Variants in UNC45B observed in about 807,000 individuals in gnomAD.
The protein encoded by UNC45B is unc-45 myosin chaperone B.
A neutral mutation model predicts 98.7 loss-of-function variants in UNC45B; 78 were observed. The observed-to-expected ratio is 0.79, with a 90% CI of 0.66 to 0.95. The LOEUF (loss-of-function observed/expected upper bound fraction) is 0.95. UNC45B is among the 40% of genes least tolerant of loss of function. UNC45B has a pLI of 0.00. For synonymous variants in UNC45B, 462 were observed against 480.4 expected (o/e 0.96, Z 0.50); for missense variants, 1,225 against 1,184.9 (o/e 1.03, Z -0.50).
intron 9 of UNC45B, among the ~76,000 whole-genome samples, chr17:35,166,085 C>CAAAAAAAAAAAAAAAAAAAAAAA (rs1277152297): frequency 6.2e-5 from 1 of 16,256 alleles, no homozygotes; most frequent in Non-Finnish European, 1.0e-4. Context: ...ACCCTCATCT[C>CAAAAAAAAAAAAAAAAAAAAAAA]TAAAAAAAAA....
chr17:35,168,768 G>A (rs897927477), intron 10 of UNC45B, among the ~76,000 whole-genome samples: 9 of 152,214 alleles, frequency 5.9e-5, no homozygotes, highest in Middle Eastern at 3.4e-3. Context: ...GTGTAGCAGC[G>A]AAATCTCAGC....
At chr17:35,156,988 C>T (rs2092067429) in intron 7 of UNC45B, among the ~76,000 whole-genome samples, 3 of 152,170 alleles carry the variant, frequency 2.0e-5, no homozygotes, top group Non-Finnish European at 4.4e-5. Flanking sequence ...ACTCATGCTT[C>T]TCCGTGCACA....
intron 13 of UNC45B, among the ~76,000 whole-genome samples, chr17:35,173,748 G>A (rs574107205): frequency 6.6e-5 from 10 of 151,260 alleles, no homozygotes; most frequent in African/African-American, 1.9e-4. Context: ...TAACTTAATC[G>A]TGTCTGCAAA....
chr17:35,182,951 ATC>A (rs2092282672), intron 18 of UNC45B, among the ~76,000 whole-genome samples: 1 of 151,960 alleles, frequency 6.6e-6, no homozygotes, highest in South Asian at 2.1e-4. Flanking sequence ...GGGAAGCCTC[ATC>A]TCTCACCTGG....
intron 15 of UNC45B, 121 bp downstream of exon 15, chr17:35,176,155 G>A (rs1200828911): frequency 1.3e-5 from 13 of 968,568 alleles, no homozygotes; most frequent in Non-Finnish European, 1.9e-5. Flanking sequence ...TATCTGCGCT[G>A]TCTGTGCTCA....
Position 35,164,043 on chromosome 17 carries a change from C to G in UNC45B, c.1028C>G (p.Ser343Cys). 2 of 1,614,012 alleles carry G rather than the reference C, an allele frequency of 1.2e-6. No individual in the cohort carries two copies. Among genetic ancestry groups the G allele is most frequent in the African/African-American group, 1.3e-5 (1 of 75,018 alleles). ...GTGGGGCAGGTTCCAGATCTGCCAT[C>G]CTGCCTGCCCCTGACTGACAACACC... ...KVVGQVPDLP[S>C]CLPLTDNTRM... The change falls in exon 9 of 20, where the codon TCC (serine) becomes TGC (cysteine). Residue 343 changes from serine to cysteine, a missense_variant. Transcript: ENST00000394570.
chr17:35,159,602 A>G (rs2092088754), intron 8 of UNC45B, 57 bp downstream of exon 8: 2 of 1,569,182 alleles, frequency 1.3e-6, no homozygotes, highest in Non-Finnish European at 1.7e-6. Flanking sequence ...GCACCAGGGC[A>G]CTGAACAGAA....
chr17:35,149,910 G>A (rs1341298327), intron 3 of UNC45B, 138 bp from the exon 4 acceptor site: 1 of 894,156 alleles, frequency 1.1e-6, no homozygotes, highest in East Asian at 2.9e-5. Context: ...GTAAGGGCCA[G>A]AGAGTCCACA....
In UNC45B at chr17:35,180,253, T is replaced by TGAGAGAGAGAGAGA. The variant is rs56300196; in HGVS notation, c.2256-283_2256-270dup. Among the ~76,000 whole-genome samples the TGAGAGAGAGAGAGA allele has an allele frequency of 7.9e-3, 1,109 of 139,916 alleles. 48 individuals are homozygous for TGAGAGAGAGAGAGA. The East Asian group carries it at 0.12, about 15-fold the overall frequency. The allele number at this position is 139,916 out of a possible 152,430, so 91.8% of individuals were successfully genotyped here. ...CATCTTCTTGGATCTACATCCAGGA[T>TGAGAGAGAGAGAGA]GAGAGAGAGAGAGAGAGAGAGAGAG... On this transcript the variant is annotated intron_variant, in intron 17 of 19. Transcript: ENST00000394570.
chr17:35,157,338 T>C (rs2092070853), intron 7 of UNC45B, among the ~76,000 whole-genome samples: 1 of 151,992 alleles, frequency 6.6e-6, no homozygotes, highest in Non-Finnish European at 1.5e-5. Context: ...CTCCCGGGTT[T>C]AAGCGATTCT....
intron 13 of UNC45B, 94 bp downstream of exon 13, chr17:35,171,556 C>T (rs1364679703): frequency 4.7e-6 from 7 of 1,499,678 alleles, no homozygotes; most frequent in Non-Finnish European, 6.3e-6. Flanking sequence ...AGGAGTGGCA[C>T]GGTGTGTGTT....
At chr17:35,154,806 G>A (rs1260566675) in intron 6 of UNC45B, 65 bp downstream of exon 6, 30 of 1,478,752 alleles carry the variant, frequency 2.0e-5, no homozygotes, top group East Asian at 1.7e-4. Context: ...GGAGGGTGAC[G>A]TGTGGTCAGG....
chr17:35,164,409 ATGGTGGAC>A (rs1396351495), intron 9 of UNC45B: 1 of 359,326 alleles, frequency 2.8e-6, no homozygotes, highest in Non-Finnish European at 4.9e-6. Flanking sequence ...TGCTTCCAAG[ATGGTGGAC>A]TCACACAGCT....
rs1331766038 is a variant in UNC45B at position 35,154,881 on chromosome 17, T to A, written c.639+140T>A. Reference sequence around the variant, plus strand: ...GGGTGCTCCAGTCTCTTTTTCCCTTTCAGTTGGAAATGGGTTTCACTAAGC... The same window carrying A: ...GGGTGCTCCAGTCTCTTTTTCCCTTACAGTTGGAAATGGGTTTCACTAAGC... On this transcript the variant is annotated intron_variant, in intron 6 of 19. Coordinates refer to ENST00000394570, the MANE Select transcript of UNC45B (RefSeq NM_001267052.2). 2.0e-5 allele frequency: 20 copies of A among 1,018,750 alleles called. No homozygotes were observed. In the East Asian group the frequency reaches 5.8e-4, roughly 29 times the overall value. The allele number at this position is 1,018,750 out of a possible 1,614,324, so 63.1% of individuals were successfully genotyped here. A position where few individuals can be genotyped will look rare whatever the true frequency, so the allele number is the denominator to read the frequency against.
chr17:35,177,594 CG>C lies in UNC45B; in HGVS notation c.2241del (p.Ser748ValfsTer57). ...CCTAGGCCTCACCAACCTGTCTGGGCGGAGTGACAAACTCCGGTGAGTGTGG... is the reference window on the plus strand; with the variant it reads ...CCTAGGCCTCACCAACCTGTCTGGGCGAGTGACAAACTCCGGTGAGTGTGG... ...ALLGLTNLSGRSDKLRQKIFK... is the reference protein window; with the variant it reads ...ALLGLTNLSGXSDKLRQKIFK... On this transcript the variant is annotated frameshift_variant, in exon 17 of 20. Transcript: ENST00000394570. LOFTEE classifies it high-confidence loss of function. 1 of 1,554,982 alleles carries C rather than the reference CG, an allele frequency of 6.4e-7. No homozygotes were observed.
Position 35,170,140 on chromosome 17 carries a change from C to T in UNC45B, c.1574C>T (p.Thr525Ile). ...RKWLCNMSIDTRTRRWAVEGL... is the reference protein window; with the variant it reads ...RKWLCNMSIDIRTRRWAVEGL... ...TGGCTGTGCAATATGTCCATAGACACTCGGACCCGACGCTGGGCAGTGGAG... is the reference window on the plus strand; with the variant it reads ...TGGCTGTGCAATATGTCCATAGACATTCGGACCCGACGCTGGGCAGTGGAG... The change falls in exon 12 of 20, where the codon ACT (threonine) becomes ATT (isoleucine). Residue 525 changes from threonine (T) to isoleucine (I), a missense_variant. By Grantham distance (89) the Thr-to-Ile change is moderately conservative. Transcript: ENST00000394570. 1.2e-6 allele frequency: 2 copies of T among 1,613,170 alleles called. No individual in the cohort carries two copies. The highest frequency in any genetic ancestry group is 1.7e-6 in the Non-Finnish European group (2 of 1,179,426).
At chr17:35,157,734 C>T (rs566387769) in intron 7 of UNC45B, among the ~76,000 whole-genome samples, 4 of 152,136 alleles carry the variant, frequency 2.6e-5, no homozygotes, top group East Asian at 1.9e-4. Flanking sequence ...TCAAAATTAT[C>T]GTGTTAGATT....
chr17:35,163,999 G>A lies in UNC45B; in HGVS notation c.984G>A (p.Leu328=), dbSNP rs751629771. The A allele has an allele frequency of 1.9e-6, 3 of 1,612,224 alleles. No individual in the cohort carries two copies. The highest frequency in any genetic ancestry group is 2.5e-6 in the Non-Finnish European group (3 of 1,179,054). Residue 328 remains leucine (L), a synonymous_variant, in exon 9 of 20, where the codon CTG becomes CTA. Coordinates refer to ENST00000394570, the MANE Select transcript of UNC45B (RefSeq NM_001267052.2). ...TTGCCACTGTCTACCCTGCAGGTCT[G>A]AGGAAGATCCTGAAGGTTGTGGGGC... ...SRTIYVVDNG[L]RKILKVVGQV...
At chr17:35,148,680 G>C (rs2091994106) in intron 2 of UNC45B, among the ~76,000 whole-genome samples, 1 of 152,212 alleles carries the variant, frequency 6.6e-6, no homozygotes, top group African/African-American at 2.4e-5. Context: ...TGGCCCGTGA[G>C]ATAGCTGTTG....
Sources: gnomAD v4.1 joint callset for allele counts (sites outside exome capture counted in the v4.1 genomes callset) on GRCh38, gnomAD v4.1.1 for gene constraint, MANE v1.5 for transcripts, NCBI Gene and HGNC (gene_info 2026-07-23, HGNC 2026-07-21) for gene names.